Variants in PARPBP observed in about 807,000 individuals in gnomAD.
PARPBP encodes the protein PARP1 binding protein, also known as PCNA-interacting partner.
PARPBP carries 52 observed loss-of-function variants against 50.0 expected under a neutral mutation model. That is an observed-to-expected ratio of 1.04 (90% CI 0.83 to 1.31). The LOEUF is 1.31. Among genes scored for constraint, PARPBP ranks in the 50% most tolerant of loss-of-function variants. PARPBP has a pLI of 0.00. For synonymous variants in PARPBP, 244 were observed against 232.1 expected (o/e 1.05, Z -0.47); for missense variants, 697 against 672.0 (o/e 1.04, Z -0.41).
chr12:102,141,843 G>C (rs1002516669), intron 2 of PARPBP, among the ~76,000 whole-genome samples: 9 of 152,174 alleles, frequency 5.9e-5, no homozygotes, highest in Admixed American at 2.0e-4. Context: ...TAGCGTTTCT[G>C]CCGAGAGATC....
intron 1 of PARPBP, among the ~76,000 whole-genome samples, chr12:102,121,102 C>G (rs1266741517): frequency 6.6e-6 from 1 of 152,136 alleles, no homozygotes; most frequent in Non-Finnish European, 1.5e-5. Context: ...GACTGGAAGG[C>G]AAGTATTTCT....
chr12:102,196,007 C>T lies in PARPBP; in HGVS notation c.1456C>T (p.His486Tyr). 6.2e-7 allele frequency: 1 copy of T among 1,609,810 alleles called. No individual in the cohort carries two copies. Among genetic ancestry groups the T allele is most frequent in the Non-Finnish European group, 8.5e-7 (1 of 1,177,972 alleles). ...AATTGGAACGAGTTTTGGAAATGTT[C>T]ATCTGGACAGAAGTAAAAATGAAAA... The part of the protein sequence containing the change: ...STIGTSFGNV[H>Y]LDRSKNEKVS... Residue 486 changes from histidine (H) to tyrosine (Y), a missense_variant, in exon 11 of 11, where the codon CAT (histidine) becomes TAT (tyrosine). His to Tyr is a moderately conservative substitution (Grantham distance 83). Coordinates refer to ENST00000327680, the MANE Select transcript of PARPBP (RefSeq NM_017915.5).
chr12:102,146,937 C>T (rs1489724614), intron 2 of PARPBP, among the ~76,000 whole-genome samples: 2 of 152,060 alleles, frequency 1.3e-5, no homozygotes, highest in African/African-American at 4.8e-5. Context: ...CAAAAGAAGA[C>T]ATTTATGCAG....
rs753020014 is a variant in PARPBP at position 102,148,393 on chromosome 12, A to G, written c.317A>G (p.Asp106Gly). 3 of 1,581,214 alleles carry G rather than the reference A, an allele frequency of 1.9e-6. No individual in the cohort carries two copies. The highest frequency in any genetic ancestry group is 2.6e-6 in the Non-Finnish European group (3 of 1,151,098). The change falls in exon 3 of 11, where the codon GAT becomes GGT. Residue 106 changes from aspartate (D) to glycine (G), a missense_variant. By Grantham distance (94) the Asp-to-Gly change is moderately conservative. Transcript: ENST00000327680. ...DDFLKNSNML[D>G]LIDVYQKCRA... is the part of the protein sequence containing the mutation. The stretch of plus-strand genomic sequence containing the variant: ...TTCTTGAAGAACAGTAATATGTTAG[A>G]TCTGATTGATGTTTATCAAAAATGT...
chr12:102,120,490 T>C, intron 1 of PARPBP: 1 of 456,560 alleles, frequency 2.2e-6, no homozygotes, highest in Non-Finnish European at 4.4e-6. Flanking sequence ...GCGATGGAGC[T>C]GGTAGGTCCT....
chr12:102,171,825 C>T (rs1419637820), intron 6 of PARPBP, among the ~76,000 whole-genome samples: 1 of 151,138 alleles, frequency 6.6e-6, no homozygotes, highest in Non-Finnish European at 1.5e-5. Flanking sequence ...GCCGAGATCG[C>T]GCCACTGCTG....
intron 2 of PARPBP, among the ~76,000 whole-genome samples, chr12:102,125,296 A>G (rs1466777274): frequency 6.6e-6 from 1 of 152,200 alleles, no homozygotes; most frequent in Non-Finnish European, 1.5e-5. Context: ...AAATGCTATT[A>G]ATAATAGTGT....
chr12:102,174,619 C>T (rs772424370), intron 6 of PARPBP, among the ~76,000 whole-genome samples: 6 of 152,316 alleles, frequency 3.9e-5, no homozygotes, highest in African/African-American at 1.2e-4. Context: ...TCATTTGGCA[C>T]TGTGCTGCCT....
chr12:102,185,566 A>G (rs879435712), intron 9 of PARPBP, among the ~76,000 whole-genome samples: 1 of 152,158 alleles, frequency 6.6e-6, no homozygotes, highest in Non-Finnish European at 1.5e-5. Context: ...TATTTTTGGA[A>G]TAGTTTGAGT....
chr12:102,171,200 A>G (rs1674854606), intron 6 of PARPBP, among the ~76,000 whole-genome samples: 1 of 151,932 alleles, frequency 6.6e-6, no homozygotes, highest in African/African-American at 2.4e-5. Flanking sequence ...TAATGATAAA[A>G]GGTATAGCAA....
intron 2 of PARPBP, among the ~76,000 whole-genome samples, chr12:102,140,922 A>G (rs1286125898): frequency 6.6e-6 from 1 of 152,206 alleles, no homozygotes; most frequent in Non-Finnish European, 1.5e-5. Context: ...CAATTTTGGA[A>G]TAAGTGCGGT....
intron 7 of PARPBP, among the ~76,000 whole-genome samples, chr12:102,178,317 G>A (rs1889483258): frequency 6.6e-6 from 1 of 152,156 alleles, no homozygotes. Context: ...CTAGATAGTG[G>A]CTAAAGTTTT....
At chr12:102,163,231 C>G (rs1457864216) in intron 4 of PARPBP, among the ~76,000 whole-genome samples, 2 of 152,228 alleles carry the variant, frequency 1.3e-5, no homozygotes, top group Non-Finnish European at 2.9e-5. Flanking sequence ...AAATACTACT[C>G]TATCTTAATT....
chr12:102,133,416 C>T (rs968729833), intron 2 of PARPBP, among the ~76,000 whole-genome samples: 3 of 151,866 alleles, frequency 2.0e-5, no homozygotes, highest in Admixed American at 1.3e-4. Context: ...AGTGTTTTGT[C>T]CTTCATTCTG....
At chr12:102,121,587 T>G (rs1881113016) in intron 1 of PARPBP, among the ~76,000 whole-genome samples, 1 of 132,956 alleles carries the variant, frequency 7.5e-6, no homozygotes, top group Non-Finnish European at 1.6e-5. Flanking sequence ...AGAGTCTCAC[T>G]CTGTCACCTA....
chr12:102,127,380 C>T (rs371367111), intron 2 of PARPBP, among the ~76,000 whole-genome samples: 2 of 148,318 alleles, frequency 1.3e-5, no homozygotes, highest in African/African-American at 5.0e-5. Context: ...GGCAACAAAA[C>T]GAGAACCTAT....
chr12:102,167,778 G>T (rs1428633642), intron 6 of PARPBP, among the ~76,000 whole-genome samples: 1 of 152,134 alleles, frequency 6.6e-6, no homozygotes, highest in Non-Finnish European at 1.5e-5. Context: ...TGCTGCCCCT[G>T]GGTCTGGAGC....
intron 9 of PARPBP, among the ~76,000 whole-genome samples, chr12:102,184,484 CATCTAATGCAGTCTCATTT>C (rs1193132295): frequency 6.6e-6 from 1 of 152,182 alleles, no homozygotes; most frequent in Non-Finnish European, 1.5e-5. Context: ...GAACAGAGAT[CATCTAATGCAGTCTCATTT>C]ACAGATGTGG....
At chr12:102,146,934 A>C (rs1194443592) in intron 2 of PARPBP, among the ~76,000 whole-genome samples, 1 of 152,186 alleles carries the variant, frequency 6.6e-6, no homozygotes, top group Non-Finnish European at 1.5e-5. Flanking sequence ...TCTCAAAAGA[A>C]GACATTTATG....
Sources: allele counts gnomAD v4.1 joint callset (sites outside exome capture counted in the v4.1 genomes callset), GRCh38; gene constraint gnomAD v4.1.1; transcripts MANE v1.5; gene names NCBI Gene and HGNC (gene_info 2026-07-23, HGNC 2026-07-21).